Variants in TRA2B observed in about 807,000 individuals in gnomAD.
TRA2B encodes transformer 2 beta homolog, also known as transformer-2 protein homolog beta.
A neutral mutation model predicts 41.7 loss-of-function variants in TRA2B; 14 were observed. The ratio of observed to expected loss-of-function variants is 0.34; its 90% CI spans 0.22 to 0.53. The LOEUF is 0.53. Among genes scored for constraint, TRA2B ranks in the 20% least tolerant of loss-of-function variants. The probability of loss-of-function intolerance (pLI) is 0.95; values close to 1 mark genes in which losing one functional copy is unlikely to be tolerated. For synonymous variants in TRA2B, 130 were observed against 128.8 expected (o/e 1.01, Z -0.06); for missense variants, 167 against 396.8 (o/e 0.42, Z 4.92).
intron 1 of TRA2B, among the ~76,000 whole-genome samples, chr3:185,929,359 T>C (rs1191128138): frequency 4.6e-5 from 7 of 152,146 alleles, no homozygotes; most frequent in Admixed American, 2.0e-4. Flanking sequence ...TAAAAACCAG[T>C]TGGGGAAGTC....
At chr3:185,931,020 T>G (rs1466557584) in intron 1 of TRA2B, among the ~76,000 whole-genome samples, 1 of 152,106 alleles carries the variant, frequency 6.6e-6, no homozygotes, top group African/African-American at 2.4e-5. Context: ...CATCTTAAAT[T>G]TAGGGCCCAA....
rs1323529982 is a variant in TRA2B at position 185,916,246 on chromosome 3, A to G, written c.*1469T>C. 6.6e-6 allele frequency: 1 copy of G among 152,260 alleles called. No individual in the cohort carries two copies. Among genetic ancestry groups the G allele is most frequent in the African/African-American group, 2.4e-5 (1 of 41,468 alleles). 9.4% of individuals were successfully genotyped at this position (152,260 alleles called of 1,614,324 possible). ...ACCCAGATTTGAGACATCATGATCAAGAGAACTGTGGACTAAGATCACCTA... is the reference window on the plus strand; with the variant it reads ...ACCCAGATTTGAGACATCATGATCAGGAGAACTGTGGACTAAGATCACCTA... On this transcript the variant is annotated 3_prime_UTR_variant, in exon 9 of 9. Transcript: ENST00000453386.
chr3:185,918,068 T>C (rs2735117), intron 8 of TRA2B, among the ~76,000 whole-genome samples: 40,221 of 151,992 alleles, frequency 0.26, 6,819 homozygotes, highest in East Asian at 0.54. Context: ...CAGGAGTCTC[T>C]GAGCCTACTC....
Position 185,935,031 on chromosome 3 carries a change from G to A in TRA2B, c.36+2794C>T, listed in dbSNP as rs1744295225. On this transcript the variant is annotated intron_variant, in intron 1 of 8. Transcript: ENST00000453386. ...TGAGAGGCTCAGAACATTACACTGC[G>A]TGCAAGACCAACATACAAATCTCAC... 10 of 985,268 alleles carry A rather than the reference G, an allele frequency of 1.0e-5. No individual in the cohort carries two copies. The South Asian group carries it at 4.2e-4, about 42-fold the overall frequency. 61.0% of individuals were successfully genotyped at this position (985,268 alleles called of 1,614,324 possible). A position where few individuals can be genotyped will look rare whatever the true frequency, so the allele number is the denominator to read the frequency against.
intron 1 of TRA2B, among the ~76,000 whole-genome samples, chr3:185,931,346 C>T (rs757316220): frequency 3.3e-5 from 5 of 152,120 alleles, no homozygotes. Flanking sequence ...AACATGAAGC[C>T]CACTGTTACC....
At chr3:185,919,311 T>C (rs1743626289) in intron 7 of TRA2B, 126 bp downstream of exon 7, 1 of 651,144 alleles carries the variant, frequency 1.5e-6, no homozygotes, top group South Asian at 3.2e-5. Context: ...GTTAGAATAT[T>C]TTCATGAGCT....
chr3:185,920,565 AT>A (rs575385217), intron 6 of TRA2B, among the ~76,000 whole-genome samples: 109 of 147,934 alleles, frequency 7.4e-4, no homozygotes, highest in African/African-American at 1.5e-3. Context: ...TCATTTATTT[AT>A]TTTTTTTTTT....
intron 3 of TRA2B, chr3:185,925,196 C>T (rs1211197638): frequency 3.2e-6 from 1 of 317,084 alleles, no homozygotes; most frequent in Non-Finnish European, 5.9e-6. Context: ...TACTATACTA[C>T]AGTATAGTAA....
chr3:185,931,513 T>G, intron 1 of TRA2B: 1 of 1,088,024 alleles, frequency 9.2e-7, no homozygotes, highest in Non-Finnish European at 1.1e-6. Flanking sequence ...TTTCCTCTAT[T>G]AAACAAATAA....
chr3:185,925,409 TAAGAAA>T, intron 3 of TRA2B, 49 bp downstream of exon 3: 1 of 1,587,574 alleles, frequency 6.3e-7, no homozygotes, highest in Non-Finnish European at 8.6e-7. Flanking sequence ...GCTCTAACTT[TAAGAAA>T]AAGTAAATTT....
intron 1 of TRA2B, chr3:185,936,874 T>C (rs1744380974): frequency 4.1e-6 from 4 of 985,378 alleles, no homozygotes; most frequent in Non-Finnish European, 4.8e-6. Context: ...TAGAACTGTC[T>C]TGTTCCCGCA....
At chr3:185,926,492 T>C (rs1743958626) in intron 2 of TRA2B, 109 bp downstream of exon 2, 1 of 1,441,000 alleles carries the variant, frequency 6.9e-7, no homozygotes, top group South Asian at 1.3e-5. Flanking sequence ...AGTACCAATA[T>C]TTAATAGGCC....
Position 185,916,893 on chromosome 3 carries a change from C to G in TRA2B, c.*822G>C, listed in dbSNP as rs1164713668. ...TCATCCATGACAGGTATAGTGTTCCCTTATCATGTACTTTGAAGCACCCGG... is the reference window on the plus strand; with the variant it reads ...TCATCCATGACAGGTATAGTGTTCCGTTATCATGTACTTTGAAGCACCCGG... On this transcript the variant is annotated 3_prime_UTR_variant, in exon 9 of 9. Coordinates refer to ENST00000453386, the MANE Select transcript of TRA2B (RefSeq NM_004593.3). 1 of 152,602 alleles carries G rather than the reference C, an allele frequency of 6.6e-6. No homozygotes were observed. The highest frequency in any genetic ancestry group is 1.5e-5 in the Non-Finnish European group (1 of 68,022). 9.5% of individuals were successfully genotyped at this position (152,602 alleles called of 1,614,324 possible).
In TRA2B at chr3:185,923,823, A is replaced by G. The variant is rs1743834807; in HGVS notation, c.495T>C (p.Tyr165=). 6.2e-7 allele frequency: 1 copy of G among 1,610,370 alleles called. No individual in the cohort carries two copies. Among genetic ancestry groups the G allele is most frequent in the South Asian group, 1.1e-5 (1 of 90,032 alleles). The change falls in exon 4 of 9, where the codon TAT becomes TAC. Residue 165 remains tyrosine (Y), a synonymous_variant. Transcript: ENST00000453386. ...SRRSRGFAFV[Y]FENVDDAKEA... ...CCTTGGCATCATCTACATTTTCAAA[A>G]TATACAAAGGCAAATCCTCTTGAAC... is the stretch of plus-strand genomic sequence containing the variant.
At chr3:185,927,883 C>T (rs892487131) in intron 1 of TRA2B, 3 of 152,208 alleles carry the variant, frequency 2.0e-5, no homozygotes, top group Non-Finnish European at 4.4e-5. Flanking sequence ...ATCAAGGCAA[C>T]CTTTATTTTA....
chr3:185,923,693 A>C, intron 4 of TRA2B, 103 bp downstream of exon 4: 1 of 1,103,582 alleles, frequency 9.1e-7, no homozygotes, highest in South Asian at 2.1e-5. Flanking sequence ...AAAAGTTCGA[A>C]GTATTACTGA....
rs1560011659 is a variant in TRA2B, at chr3:185,926,644, A to C, written c.127T>G (p.Ser43Ala). 1.2e-6 allele frequency: 2 copies of C among 1,614,016 alleles called. No individual in the cohort carries two copies. Among genetic ancestry groups the C allele is most frequent in the Non-Finnish European group, 1.7e-6 (2 of 1,180,012 alleles). The change falls in exon 2 of 9, where the codon TCC becomes GCC. Residue 43 changes from serine to alanine, a missense_variant. This residue lies in a region of TRA2B where 94 missense variants were observed against 133.4 expected (regional missense o/e 0.70). Transcript: ENST00000453386. ...CTGGACTTTGATCTGGAACGCCTGG[A>C]ATCTTCCTTGGAGCGAGACCTTGCA... Reference protein sequence around the residue: ...TPARSRSKEDSRRSRSKSRSR... With the variant: ...TPARSRSKEDARRSRSKSRSR...
At chr3:185,935,331 T>G (rs1343310713) in intron 1 of TRA2B, 8 of 983,650 alleles carry the variant, frequency 8.1e-6, no homozygotes, top group Middle Eastern at 1.0e-3. Flanking sequence ...AGTGTTAATC[T>G]ATTACCTTTG....
chr3:185,918,737 G>C (rs1191210581), intron 7 of TRA2B, among the ~76,000 whole-genome samples: 1 of 152,176 alleles, frequency 6.6e-6, no homozygotes, highest in Non-Finnish European at 1.5e-5. Context: ...GCTGGGTGCG[G>C]TGGCTCAACG....
Sources: gnomAD v4.1 joint callset for allele counts (sites outside exome capture counted in the v4.1 genomes callset) on GRCh38, gnomAD v4.1.1 for gene constraint, gnomAD v4.1.1 regional missense constraint, MANE v1.5 for transcripts, NCBI Gene and HGNC (gene_info 2026-07-23, HGNC 2026-07-21) for gene names.